Variants in SOWAHA observed in about 807,000 individuals in gnomAD.
The protein encoded by SOWAHA is sosondowah ankyrin repeat domain family member A.
SOWAHA carries 17 observed loss-of-function variants against 21.1 expected under a neutral mutation model. The observed-to-expected ratio is 0.80, with a 90% confidence interval of 0.55 to 1.21. SOWAHA has a LOEUF of 1.21. Among genes scored for constraint, SOWAHA ranks in the 50% most tolerant of loss-of-function variants. The pLI is 0.00. For missense variants in SOWAHA, 862 were observed against 816.0 expected, an observed-to-expected ratio of 1.06 and a Z score of -0.69; for synonymous variants, 422 against 397.1, an observed-to-expected ratio of 1.06 and a Z score of -0.75.
Position 132,813,867 on chromosome 5 carries a change from G to A in SOWAHA, c.246G>A (p.Lys82=), listed in dbSNP as rs541145343. The A allele has an allele frequency of 6.5e-7, 1 of 1,548,692 alleles. No individual in the cohort carries two copies. Among genetic ancestry groups the A allele is most frequent in the Non-Finnish European group, 8.7e-7 (1 of 1,146,116 alleles). The change falls in exon 1 of 1, where the codon AAG becomes AAA. Residue 82 remains lysine, a synonymous_variant. Transcript: ENST00000378693. ...DGVKFVVLRK[K]PRPPEPEPAP... ...TCAAGTTCGTGGTGCTGAGGAAGAAGCCCCGGCCCCCGGAGCCCGAGCCCG... is the reference window on the plus strand; with the variant it reads ...TCAAGTTCGTGGTGCTGAGGAAGAAACCCCGGCCCCCGGAGCCCGAGCCCG...
rs377239280 is a variant in SOWAHA, at chr5:132,815,225, C to T, written c.1604C>T (p.Pro535Leu). 5.6e-6 allele frequency: 9 copies of T among 1,613,424 alleles called. No homozygotes were observed. In the Admixed American group the frequency reaches 1.0e-4, roughly 18 times the overall value. The change falls in exon 1 of 1, where the codon CCG becomes CTG. Residue 535 changes from proline (P) to leucine (L), a missense_variant. Coordinates refer to ENST00000378693, the MANE Select transcript of SOWAHA (RefSeq NM_175873.6). ...TCAGAAATCTCTCGTCGACCTACTC[C>T]GGGGCCTTTAGCTGGTCTAGTGCCC... is the stretch of plus-strand genomic sequence containing the variant. ...AFSEISRRPT[P>L]GPLAGLVPSL...
Position 132,814,351 on chromosome 5 carries a change from T to C in SOWAHA, c.730T>C (p.Ser244Pro). 1 of 1,486,600 alleles carries C rather than the reference T, an allele frequency of 6.7e-7. No individual in the cohort carries two copies. The highest frequency in any genetic ancestry group is 8.9e-7 in the Non-Finnish European group (1 of 1,127,494). 92.1% of individuals were successfully genotyped at this position (1,486,600 alleles called of 1,614,324 possible). ...GGAGCCCGGCCTGCGCCGGCAGCTG[T>C]CGGAGGAGCCGAGCCCGCGGAGCTC... ...AEEPGLRRQL[S>P]EEPSPRSSPL... is the part of the protein sequence containing the mutation. Residue 244 changes from serine to proline, a missense_variant, in exon 1 of 1, where the codon TCG becomes CCG. Ser to Pro is a moderately conservative substitution (Grantham distance 74). Coordinates refer to ENST00000378693, the MANE Select transcript of SOWAHA (RefSeq NM_175873.6).
At position 132,814,437 on chromosome 5, in the gene SOWAHA, G is replaced by C. The variant is rs960556283; in HGVS notation, c.816G>C (p.Pro272=). 1.2e-5 allele frequency: 17 copies of C among 1,471,192 alleles called. No homozygotes were observed. Among genetic ancestry groups the C allele is most frequent in the African/African-American group, 1.5e-5 (1 of 67,818 alleles). 91.1% of individuals were successfully genotyped at this position (1,471,192 alleles called of 1,614,324 possible). ...EESGLGLGLG[P]GRSPHLRRLS... ...CCGGTCTGGGCCTCGGCCTGGGCCC[G>C]GGCCGCTCCCCGCACCTGAGGCGCC... The change falls in exon 1 of 1, where the codon CCG becomes CCC. Residue 272 remains proline (P), a synonymous_variant. Coordinates refer to ENST00000378693, the MANE Select transcript of SOWAHA (RefSeq NM_175873.6).
rs1040865463 is a variant in SOWAHA, at chr5:132,815,004, C to A, written c.1383C>A (p.Ala461=). ...ATGGGSGSLA[A]RRPVQVAATI... The stretch of plus-strand genomic sequence containing the variant: ...GTGGTGGAAGTGGCAGTCTTGCTGC[C>A]AGGCGCCCCGTACAGGTGGCCGCCA... Residue 461 remains alanine, a synonymous_variant, in exon 1 of 1, where the codon GCC becomes GCA. Transcript: ENST00000378693. 2.5e-6 allele frequency: 4 copies of A among 1,599,222 alleles called. No individual in the cohort carries two copies. In the Admixed American group the frequency reaches 5.2e-5, roughly 21 times the overall value.
rs1471304070 is a variant in SOWAHA, at chr5:132,815,466, T to G, written c.*195T>G. ...CATGACCCATCTCCAGAGATGGGAT[T>G]TGAGAAATCAGTGAGAGCTTCCTAT... is the stretch of plus-strand genomic sequence containing the variant. On this transcript the variant is annotated 3_prime_UTR_variant, in exon 1 of 1. Transcript: ENST00000378693. The G allele has an allele frequency of 3.7e-6, 2 of 534,976 alleles. No homozygotes were observed. Among genetic ancestry groups the G allele is most frequent in the African/African-American group, 3.8e-5 (2 of 52,912 alleles). The allele number at this position is 534,976 out of a possible 1,614,324, so 33.1% of individuals were successfully genotyped here.
Position 132,815,409 on chromosome 5 carries a change from G to A in SOWAHA, c.*138G>A. 1 of 721,948 alleles carries A rather than the reference G, an allele frequency of 1.4e-6. No homozygotes were observed. The highest frequency in any genetic ancestry group is 2.3e-6 in the Non-Finnish European group (1 of 441,184). 44.7% of individuals were successfully genotyped at this position (721,948 alleles called of 1,614,324 possible). On this transcript the variant is annotated 3_prime_UTR_variant, in exon 1 of 1. Transcript: ENST00000378693. ...TGTCCAGGGCAGCCTGTTTTACCCAGATGGGCCTGCACCTCCAGCTTCTTT... is the reference window on the plus strand; with the variant it reads ...TGTCCAGGGCAGCCTGTTTTACCCAAATGGGCCTGCACCTCCAGCTTCTTT...
At position 132,815,210 on chromosome 5, in the gene SOWAHA, CTCG is replaced by C; in HGVS notation, c.1593_1595del (p.Arg532del). 1 of 1,613,822 alleles carries C rather than the reference CTCG, an allele frequency of 6.2e-7. No individual in the cohort carries two copies. Among genetic ancestry groups the C allele is most frequent in the Non-Finnish European group, 8.5e-7 (1 of 1,180,042 alleles). ...GGTCTGCCAGCCTTCTCAGAAATCT[CTCG>C]TCGACCTACTCCGGGGCCTTTAGCT... On this transcript the variant is annotated inframe_deletion, in exon 1 of 1. Coordinates refer to ENST00000378693, the MANE Select transcript of SOWAHA (RefSeq NM_175873.6).
chr5:132,813,470 C>T lies in SOWAHA; in HGVS notation c.-152C>T, dbSNP rs991701365. ...AGACGCCCCGGCCCAGCGGCACTGG[C>T]GCGACCGAGGTCCAGCTTCGGGGAC... On this transcript the variant is annotated 5_prime_UTR_variant, in exon 1 of 1. Coordinates refer to ENST00000378693, the MANE Select transcript of SOWAHA (RefSeq NM_175873.6). The T allele has an allele frequency of 4.5e-5, 18 of 399,860 alleles. No homozygotes were observed. In the South Asian group the frequency reaches 1.0e-3, roughly 23 times the overall value. 24.8% of individuals were successfully genotyped at this position (399,860 alleles called of 1,614,324 possible). A position where few individuals can be genotyped will look rare whatever the true frequency, so the allele number is the denominator to read the frequency against.
chr5:132,814,498 G>C lies in SOWAHA; in HGVS notation c.877G>C (p.Ala293Pro). 1 of 1,397,202 alleles carries C rather than the reference G, an allele frequency of 7.2e-7. No individual in the cohort carries two copies. Among genetic ancestry groups the C allele is most frequent in the Non-Finnish European group, 9.2e-7 (1 of 1,085,454 alleles). 86.6% of individuals were successfully genotyped at this position (1,397,202 alleles called of 1,614,324 possible). The change falls in exon 1 of 1, where the codon GCC becomes CCC. Residue 293 changes from alanine to proline, a missense_variant. Physicochemically the swap from Ala to Pro is conservative, Grantham distance 27 (BLOSUM62 -1). Coordinates refer to ENST00000378693, the MANE Select transcript of SOWAHA (RefSeq NM_175873.6). The part of the protein sequence containing the change: ...RAGPRLLSPD[A>P]EELPAAPPPS... ...CGGCCCGCGTCTGCTGAGCCCTGAC[G>C]CCGAGGAGTTGCCCGCCGCGCCGCC...
At position 132,814,942 on chromosome 5, in the gene SOWAHA, C is replaced by T. The variant is rs1356642822; in HGVS notation, c.1321C>T (p.Pro441Ser). ...CGCGCTGCGCCGCCTTCTTGGCGAT[C>T]CAGGCCTGCGAGGCACCACGGAGCC... ...SYALRRLLGD[P>S]GLRGTTEPDA... The change falls in exon 1 of 1, where the codon CCA becomes TCA. Residue 441 changes from proline to serine, a missense_variant. Pro to Ser is a moderately conservative substitution (Grantham distance 74). Coordinates refer to ENST00000378693, the MANE Select transcript of SOWAHA (RefSeq NM_175873.6). 2 of 1,568,424 alleles carry T rather than the reference C, an allele frequency of 1.3e-6. No individual in the cohort carries two copies. Among genetic ancestry groups the T allele is most frequent in the East Asian group, 2.4e-5 (1 of 42,266 alleles).
chr5:132,814,351 TC>T lies in SOWAHA; in HGVS notation c.731del (p.Ser244TrpfsTer13). On this transcript the variant is annotated frameshift_variant, in exon 1 of 1. Transcript: ENST00000378693. LOFTEE classifies it high-confidence loss of function. ...AEEPGLRRQL[S>X]EEPSPRSSPL... The stretch of plus-strand genomic sequence containing the variant: ...GGAGCCCGGCCTGCGCCGGCAGCTG[TC>T]GGAGGAGCCGAGCCCGCGGAGCTCC... 6.7e-7 allele frequency: 1 copy of T among 1,486,598 alleles called. No individual in the cohort carries two copies. Among genetic ancestry groups the T allele is most frequent in the Non-Finnish European group, 8.9e-7 (1 of 1,127,494 alleles). 92.1% of individuals were successfully genotyped at this position (1,486,598 alleles called of 1,614,324 possible). A position where few individuals can be genotyped will look rare whatever the true frequency, so the allele number is the denominator to read the frequency against.
In SOWAHA at chr5:132,813,535, G is replaced by A; in HGVS notation, c.-87G>A. On this transcript the variant is annotated 5_prime_UTR_variant, in exon 1 of 1. Transcript: ENST00000378693. Reference sequence around the variant, plus strand: ...GCGGGGAAGGCACCAGGTGAGCGCGGCCGCGCCTCCCGGAACCCCGCTCCC... The same window carrying A: ...GCGGGGAAGGCACCAGGTGAGCGCGACCGCGCCTCCCGGAACCCCGCTCCC... The A allele has an allele frequency of 2.1e-6, 2 of 943,538 alleles. No individual in the cohort carries two copies. Among genetic ancestry groups the A allele is most frequent in the Non-Finnish European group, 2.6e-6 (2 of 764,828 alleles). 58.4% of individuals were successfully genotyped at this position (943,538 alleles called of 1,614,324 possible). A position where few individuals can be genotyped will look rare whatever the true frequency, so the allele number is the denominator to read the frequency against.
chr5:132,813,829 G>A lies in SOWAHA; in HGVS notation c.208G>A (p.Glu70Lys), dbSNP rs1758332733. The A allele has an allele frequency of 3.2e-6, 5 of 1,549,438 alleles. No homozygotes were observed. In the South Asian group the frequency reaches 5.9e-5, roughly 18 times the overall value. Residue 70 changes from glutamate to lysine, a missense_variant, in exon 1 of 1, where the codon GAG becomes AAG. By Grantham distance (56) the Glu-to-Lys change is moderately conservative. Coordinates refer to ENST00000378693, the MANE Select transcript of SOWAHA (RefSeq NM_175873.6). ...CGTCAACAACGTGGCGGTGGTGAAGGAGCTCGACGGCGTCAAGTTCGTGGT... is the reference window on the plus strand; with the variant it reads ...CGTCAACAACGTGGCGGTGGTGAAGAAGCTCGACGGCGTCAAGTTCGTGGT... Reference protein sequence around the residue: ...QFVNNVAVVKELDGVKFVVLR... With the variant: ...QFVNNVAVVKKLDGVKFVVLR...
rs1407626959 is a variant in SOWAHA, at chr5:132,816,731, G to T, written c.*1460G>T. 1 of 166,950 alleles carries T rather than the reference G, an allele frequency of 6.0e-6. No individual in the cohort carries two copies. Among genetic ancestry groups the T allele is most frequent in the Non-Finnish European group, 1.5e-5 (1 of 68,116 alleles). The allele number at this position is 166,950 out of a possible 1,614,324, so 10.3% of individuals were successfully genotyped here. On this transcript the variant is annotated 3_prime_UTR_variant, in exon 1 of 1. Transcript: ENST00000378693. Reference sequence around the variant, plus strand: ...AGTGAAGCCTTTGAAATTACTTAAGGCAGTCTTTCATGGAATGTTTTGATT... The same window carrying T: ...AGTGAAGCCTTTGAAATTACTTAAGTCAGTCTTTCATGGAATGTTTTGATT...
chr5:132,813,803 T>A lies in SOWAHA; in HGVS notation c.182T>A (p.Phe61Tyr), dbSNP rs977977517. 19 of 1,549,102 alleles carry A rather than the reference T, an allele frequency of 1.2e-5. No homozygotes were observed. The highest frequency in any genetic ancestry group is 1.7e-5 in the Non-Finnish European group (19 of 1,146,304). The change falls in exon 1 of 1, where the codon TTC (phenylalanine) becomes TAC (tyrosine). Residue 61 changes from phenylalanine to tyrosine, a missense_variant. By Grantham distance (22) the Phe-to-Tyr change is conservative. Coordinates refer to ENST00000378693, the MANE Select transcript of SOWAHA (RefSeq NM_175873.6). ...RAARRDRFKQ[F>Y]VNNVAVVKEL... Reference sequence around the variant, plus strand: ...GCCCGCAGGGACCGCTTCAAGCAGTTCGTCAACAACGTGGCGGTGGTGAAG... The same window carrying A: ...GCCCGCAGGGACCGCTTCAAGCAGTACGTCAACAACGTGGCGGTGGTGAAG...
chr5:132,814,196 C>A lies in SOWAHA; in HGVS notation c.575C>A (p.Ala192Glu). ...APPPRAPSEAASPCSDPPDAE... is the reference protein window; with the variant it reads ...APPPRAPSEAESPCSDPPDAE... Reference sequence around the variant, plus strand: ...CCGCCTAGGGCCCCTTCTGAGGCGGCATCGCCCTGCTCTGATCCGCCAGAC... The same window carrying A: ...CCGCCTAGGGCCCCTTCTGAGGCGGAATCGCCCTGCTCTGATCCGCCAGAC... Residue 192 changes from alanine (A) to glutamate (E), a missense_variant, in exon 1 of 1, where the codon GCA becomes GAA. Transcript: ENST00000378693. The A allele has an allele frequency of 6.3e-7, 1 of 1,593,058 alleles. No individual in the cohort carries two copies. Among genetic ancestry groups the A allele is most frequent in the Middle Eastern group, 1.7e-4 (1 of 5,918 alleles).
chr5:132,814,834 G>T lies in SOWAHA; in HGVS notation c.1213G>T (p.Val405Leu). The T allele has an allele frequency of 1.3e-6, 2 of 1,516,692 alleles. No individual in the cohort carries two copies. The highest frequency in any genetic ancestry group is 1.8e-6 in the Non-Finnish European group (2 of 1,130,330). 94.0% of individuals were successfully genotyped at this position (1,516,692 alleles called of 1,614,324 possible). Reference protein sequence around the residue: ...HGHEDAAVLLVVRLGAQVHVR... With the variant: ...HGHEDAAVLLLVRLGAQVHVR... The stretch of plus-strand genomic sequence containing the variant: ...CCACGAGGACGCTGCCGTGCTGCTG[G>T]TGGTGCGTCTGGGTGCCCAGGTGCA... The change falls in exon 1 of 1, where the codon GTG becomes TTG. Residue 405 changes from valine to leucine, a missense_variant. Coordinates refer to ENST00000378693, the MANE Select transcript of SOWAHA (RefSeq NM_175873.6).
rs960608257 is a variant in SOWAHA at position 132,814,617 on chromosome 5, G to T, written c.996G>T (p.Leu332=). The T allele has an allele frequency of 3.4e-5, 51 of 1,519,582 alleles. No homozygotes were observed. The highest frequency in any genetic ancestry group is 4.3e-5 in the Non-Finnish European group (49 of 1,140,994). 94.1% of individuals were successfully genotyped at this position (1,519,582 alleles called of 1,614,324 possible). A position where few individuals can be genotyped will look rare whatever the true frequency, so the allele number is the denominator to read the frequency against. The part of the protein sequence containing the change: ...RWTHQLHGLL[L]RDRGLAAKRD... ...CCCACCAGCTGCACGGGCTGCTGCT[G>T]CGCGACCGCGGCTTGGCGGCCAAGC... Residue 332 remains leucine, a synonymous_variant, in exon 1 of 1, where the codon CTG becomes CTT. Transcript: ENST00000378693.
Position 132,813,588 on chromosome 5 carries a change from C to G in SOWAHA, c.-34C>G. 8.4e-7 allele frequency: 1 copy of G among 1,195,486 alleles called. No individual in the cohort carries two copies. 74.1% of individuals were successfully genotyped at this position (1,195,486 alleles called of 1,614,324 possible). ...GCGTCCCGCGGCGACGCGGCGCCCA[C>G]CCGCCCCGGGAGCCAGGAACCCAGG... On this transcript the variant is annotated 5_prime_UTR_variant, in exon 1 of 1. Coordinates refer to ENST00000378693, the MANE Select transcript of SOWAHA (RefSeq NM_175873.6).
Sources: allele counts gnomAD v4.1 joint callset, GRCh38; gene constraint gnomAD v4.1.1; transcripts MANE v1.5; gene names NCBI Gene and HGNC (gene_info 2026-07-23, HGNC 2026-07-21).